Variants in LAT2 observed in about 807,000 individuals in gnomAD.
The protein encoded by LAT2 is linker for activation of T-cells family member 2.
A neutral mutation model predicts 43.4 loss-of-function variants in LAT2; 23 were observed. That is an observed-to-expected ratio of 0.53 (90% CI 0.38 to 0.75). The LOEUF is 0.75. Ranked by LOEUF, LAT2 falls within the 30% of genes least tolerant of loss-of-function variation. LAT2 has a pLI of 0.00. For synonymous variants in LAT2, 128 were observed against 123.2 expected (o/e 1.04, Z -0.26); for missense variants, 284 against 310.2 (o/e 0.92, Z 0.64).
intron 1 of LAT2, among the ~76,000 whole-genome samples, chr7:74,211,616 A>G (rs1300372788): frequency 6.6e-6 from 1 of 151,538 alleles, no homozygotes; most frequent in Non-Finnish European, 1.5e-5. Flanking sequence ...TGCCACCACG[A>G]CCGGCTAATT....
intron 10 of LAT2, among the ~76,000 whole-genome samples, chr7:74,223,023 T>G (rs2116175820): frequency 6.6e-6 from 1 of 152,336 alleles, no homozygotes; most frequent in East Asian, 1.9e-4. Context: ...CAAAGCATCC[T>G]CAGCCTGCCC....
At chr7:74,212,060 C>A (rs1465822342) in intron 1 of LAT2, among the ~76,000 whole-genome samples, 1 of 152,068 alleles carries the variant, frequency 6.6e-6, no homozygotes, top group Non-Finnish European at 1.5e-5. Flanking sequence ...TCTCTTGCCT[C>A]AGTGTCCCAA....
intron 13 of LAT2, chr7:74,225,414 T>C (rs553027830): frequency 9.8e-5 from 15 of 152,318 alleles, no homozygotes; most frequent in African/African-American, 3.1e-4. Context: ...AAAACAGACA[T>C]TGCACACAAA....
chr7:74,219,503 G>T (rs1429606652), intron 4 of LAT2, among the ~76,000 whole-genome samples: 11 of 152,198 alleles, frequency 7.2e-5, no homozygotes, highest in African/African-American at 2.7e-4. Flanking sequence ...GCTGAGAGCC[G>T]GGCTCCAGCC....
intron 10 of LAT2, 92 bp from the exon 11 acceptor site, chr7:74,223,632 C>A: frequency 8.0e-7 from 1 of 1,245,128 alleles, no homozygotes; most frequent in Non-Finnish European, 1.2e-6. Context: ...GAAGAGGTCC[C>A]CTGCAAAGGG....
At chr7:74,211,726 G>A (rs1801744109) in intron 1 of LAT2, among the ~76,000 whole-genome samples, 1 of 151,986 alleles carries the variant, frequency 6.6e-6, no homozygotes. Context: ...CAAAGTGCTG[G>A]GATTACAGGT....
In LAT2 at chr7:74,224,109, C is replaced by A. The variant is rs781800059; in HGVS notation, c.540C>A (p.Pro180=). The change falls in exon 12 of 14, where the codon CCC becomes CCA. Residue 180 remains proline, a synonymous_variant. Coordinates refer to ENST00000460943, the MANE Select transcript of LAT2 (RefSeq NM_032464.3). ...CTGGCCCCACTTCTGGTCTCTGTCC[C>A]TCTGCCTCCCCGGAAGAAGATGAGG... The part of the protein sequence containing the change: ...LKTGPTSGLC[P]SASPEEDEES... 3 of 1,614,044 alleles carry A rather than the reference C, an allele frequency of 1.9e-6. No homozygotes were observed. Among genetic ancestry groups the A allele is most frequent in the Non-Finnish European group, 2.5e-6 (3 of 1,180,024 alleles).
chr7:74,220,228 T>C lies in LAT2; in HGVS notation c.239T>C (p.Leu80Pro). ...ADMAPTRKDK[L>P]LQFYPSLEDP... ...CCCCCTCCCTGCAGGAAGGACAAGC[T>C]GTTGCAATTCTACCCCAGCCTGGAG... Residue 80 changes from leucine (L) to proline (P), a missense_variant, in exon 7 of 14, where the codon CTG (leucine) becomes CCG (proline). Leu to Pro is a moderately conservative substitution (Grantham distance 98). Transcript: ENST00000460943. The surrounding 1 kb of genome is among the most constrained non-coding windows in gnomAD (Gnocchi z 4.5). 6.2e-7 allele frequency: 1 copy of C among 1,611,206 alleles called. No individual in the cohort carries two copies. Among genetic ancestry groups the C allele is most frequent in the Non-Finnish European group, 8.5e-7 (1 of 1,178,268 alleles).
intron 4 of LAT2, among the ~76,000 whole-genome samples, chr7:74,217,990 G>A (rs1255184684): frequency 1.3e-5 from 2 of 152,172 alleles, no homozygotes; most frequent in Non-Finnish European, 2.9e-5. Context: ...CTGGCCGCCT[G>A]CAACCTCCCC....
rs1554715044 is a variant in LAT2, at chr7:74,220,558, A to T, written c.266-26A>T. The stretch of plus-strand genomic sequence containing the variant: ...GTGCAAAGCAGGGGCCAGGGGAGAA[A>T]GCAATTAGCTGGGTCTTTCTTCCAG... On this transcript the variant is annotated intron_variant, in intron 7 of 13. Transcript: ENST00000460943. This position sits in a 1 kb window ranked among gnomAD's most constrained non-coding sequence, Gnocchi z 4.5. 6.2e-7 allele frequency: 1 copy of T among 1,613,838 alleles called. No homozygotes were observed. Among genetic ancestry groups the T allele is most frequent in the Non-Finnish European group, 8.5e-7 (1 of 1,179,878 alleles).
rs1801966595 is a variant in LAT2, at chr7:74,214,768, T to TATATAAAA, written c.-218-49_-218-48insAAAATATA. On this transcript the variant is annotated intron_variant, in intron 1 of 13. Transcript: ENST00000460943. ...ATATAAATATATATATATAAACATA[T>TATATAAAA]ATATATAAATATATATATATATATT... 8 of 26,282 alleles carry TATATAAAA rather than the reference T, an allele frequency of 3.0e-4. 2 individuals carry two copies. Among genetic ancestry groups the TATATAAAA allele is most frequent in the Admixed American group, 2.5e-3 (4 of 1,586 alleles). The allele number at this position is 26,282 out of a possible 1,614,324, so 1.6% of individuals were successfully genotyped here. A position where few individuals can be genotyped will look rare whatever the true frequency, so the allele number is the denominator to read the frequency against.
At chr7:74,223,691 A>C (rs782146835) in intron 10 of LAT2, 33 bp from the exon 11 acceptor site, 4 of 1,605,654 alleles carry the variant, frequency 2.5e-6, no homozygotes, top group Non-Finnish European at 2.6e-6. Flanking sequence ...GGGTCTGCCC[A>C]CACCCCCGTG....
intron 1 of LAT2, among the ~76,000 whole-genome samples, 162 bp from the exon 2 acceptor site, chr7:74,214,660 A>G (rs1217168751): frequency 1.3e-5 from 1 of 76,288 alleles, no homozygotes; most frequent in Non-Finnish European, 2.2e-5. Context: ...ATATATATGA[A>G]AATATATATA....
intron 5 of LAT2, 71 bp downstream of exon 5, chr7:74,219,858 T>C (rs1295083688): frequency 1.2e-5 from 20 of 1,610,826 alleles, no homozygotes; most frequent in African/African-American, 6.7e-5. Flanking sequence ...TCGGTCCCCA[T>C]TGACCTGAGA....
At chr7:74,227,158 C>A (rs1554716232) in intron 13 of LAT2, among the ~76,000 whole-genome samples, 1 of 151,616 alleles carries the variant, frequency 6.6e-6, no homozygotes. Flanking sequence ...GCTCCTGCCT[C>A]AGCCTCCCGA....
chr7:74,222,332 C>T (rs1257669847), intron 10 of LAT2, among the ~76,000 whole-genome samples: 3 of 147,680 alleles, frequency 2.0e-5, no homozygotes, highest in African/African-American at 5.0e-5. Flanking sequence ...ACCCGGGAGG[C>T]GGAGGCTGCA....
chr7:74,225,972 C>T (rs961694721), intron 13 of LAT2: 1 of 152,332 alleles, frequency 6.6e-6, no homozygotes, highest in Non-Finnish European at 1.5e-5. Flanking sequence ...AAACCCCTGA[C>T]CCCTTAGAAC....
chr7:74,227,113 C>T (rs1204325007), intron 13 of LAT2, among the ~76,000 whole-genome samples: 6 of 150,812 alleles, frequency 4.0e-5, no homozygotes, highest in East Asian at 1.9e-4. Flanking sequence ...GCAATCTTGG[C>T]TCACTGCAAA....
rs1802618988 is a variant in LAT2, at chr7:74,229,650, G to C, written c.*725G>C. 6.6e-6 allele frequency: 1 copy of C among 152,542 alleles called. No homozygotes were observed. Among genetic ancestry groups the C allele is most frequent in the African/African-American group, 2.4e-5 (1 of 41,560 alleles). 9.4% of individuals were successfully genotyped at this position (152,542 alleles called of 1,614,324 possible). ...TAGTGACCAGAACAGGGCAGAGTAG[G>C]TCCCCTCCATGGCCCTGAATCCTCC... is the stretch of plus-strand genomic sequence containing the variant. On this transcript the variant is annotated 3_prime_UTR_variant, in exon 14 of 14. Transcript: ENST00000460943.
Sources: gnomAD v4.1 joint callset for allele counts (sites outside exome capture counted in the v4.1 genomes callset) on GRCh38, gnomAD v4.1.1 for gene constraint, Gnocchi (gnomAD v3.1) non-coding constraint, MANE v1.5 for transcripts, NCBI Gene and HGNC (gene_info 2026-07-23, HGNC 2026-07-21) for gene names.